Variants in SIM2 observed in about 807,000 individuals in gnomAD.
SIM2 encodes the protein single-minded homolog 2.
Under a neutral mutation model 64.8 loss-of-function variants are expected in SIM2, and 28 were observed. The observed-to-expected ratio is 0.43, with a 90% CI of 0.32 to 0.59. The LOEUF (loss-of-function observed/expected upper bound fraction) is 0.59. SIM2 is among the 20% of genes least tolerant of loss of function. SIM2 has a pLI of 0.07. For synonymous variants in SIM2, 408 were observed against 391.1 expected (o/e 1.04, Z -0.51); for missense variants, 847 against 871.4 (o/e 0.97, Z 0.35).
intron 1 of SIM2, among the ~76,000 whole-genome samples, chr21:36,704,029 C>T (rs186189113): frequency 6.6e-6 from 1 of 152,208 alleles, no homozygotes; most frequent in East Asian, 1.9e-4. Flanking sequence ...TTCCCCAACC[C>T]GAAAGACCCA....
intron 3 of SIM2, among the ~76,000 whole-genome samples, chr21:36,718,841 AG>A (rs2088780529): frequency 6.6e-6 from 1 of 152,212 alleles, no homozygotes; most frequent in Non-Finnish European, 1.5e-5. Context: ...GTCCATCTTA[AG>A]GTGGGTGGGG....
rs117960068 is a variant in SIM2, at chr21:36,726,001, A to C, written c.544-118A>C. On this transcript the variant is annotated intron_variant, in intron 5 of 10. Coordinates refer to ENST00000290399, the MANE Select transcript of SIM2 (RefSeq NM_005069.6). This position sits in a 1 kb window ranked among gnomAD's most constrained non-coding sequence, Gnocchi z 4.5. ...TGCCTGTCAGCACATTGGGCCGCAC[A>C]GTGGAGTAGAGGCTGGGCTGGGAGA... The C allele has an allele frequency of 7.6e-6, 6 of 789,204 alleles. No individual in the cohort carries two copies. Among genetic ancestry groups the C allele is most frequent in the Admixed American group, 6.0e-5 (3 of 49,918 alleles). 48.9% of individuals were successfully genotyped at this position (789,204 alleles called of 1,614,324 possible).
intron 9 of SIM2, among the ~76,000 whole-genome samples, chr21:36,744,229 C>A (rs1381783061): frequency 6.6e-6 from 1 of 150,624 alleles, no homozygotes; most frequent in African/African-American, 2.4e-5. Context: ...AAGACTCCAT[C>A]ACTTGTTCTG....
intron 1 of SIM2, among the ~76,000 whole-genome samples, chr21:36,700,376 C>A (rs538845222): frequency 6.9e-6 from 1 of 144,338 alleles, no homozygotes; most frequent in Non-Finnish European, 1.5e-5. Context: ...CCTTCCTTGG[C>A]CCCCTCTCTC....
intron 3 of SIM2, 88 bp downstream of exon 3, chr21:36,712,710 CTGTT>C: frequency 1.2e-6 from 1 of 868,910 alleles, no homozygotes. Flanking sequence ...GAAAATGAGT[CTGTT>C]TAAGTGTTTG....
rs888785850 is a variant in SIM2, at chr21:36,699,673, C to A, written c.-74C>A. On this transcript the variant is annotated 5_prime_UTR_variant, in exon 1 of 11. Coordinates refer to ENST00000290399, the MANE Select transcript of SIM2 (RefSeq NM_005069.6). The surrounding 1 kb of genome is among the most constrained non-coding windows in gnomAD (Gnocchi z 5.6). ...CTCCCGGCTCCCCCTTCCCCATCCC[C>A]GCCGCCGCAGCCCGAGCGGGGCTCC... 2.0e-6 allele frequency: 3 copies of A among 1,529,926 alleles called. No homozygotes were observed. The highest frequency in any genetic ancestry group is 2.9e-5 in the African/African-American group (2 of 70,046). 94.8% of individuals were successfully genotyped at this position (1,529,926 alleles called of 1,614,324 possible). A position where few individuals can be genotyped will look rare whatever the true frequency, so the allele number is the denominator to read the frequency against.
intron 7 of SIM2, among the ~76,000 whole-genome samples, chr21:36,734,238 T>C (rs571543098): frequency 1.6e-4 from 24 of 152,210 alleles, no homozygotes; most frequent in Admixed American, 5.2e-4. Context: ...CACAAGGTGA[T>C]TTTATTTGAG....
intron 2 of SIM2, among the ~76,000 whole-genome samples, chr21:36,711,510 T>G (rs1223004364): frequency 6.6e-6 from 1 of 152,248 alleles, no homozygotes; most frequent in African/African-American, 2.4e-5. Context: ...CAAGGATATC[T>G]TTCAAGATTC....
In SIM2 at chr21:36,745,140, G is replaced by A; in HGVS notation, c.1576+4G>A. The A allele has an allele frequency of 6.2e-7, 1 of 1,606,400 alleles. No homozygotes were observed. Among genetic ancestry groups the A allele is most frequent in the African/African-American group, 1.3e-5 (1 of 74,914 alleles). On this transcript the variant is annotated splice_donor_region_variant and intron_variant, in intron 10 of 10. Coordinates refer to ENST00000290399, the MANE Select transcript of SIM2 (RefSeq NM_005069.6). The surrounding 1 kb of genome is among the most constrained non-coding windows in gnomAD (Gnocchi z 4.8). ...AGCCTGGTGCCAAGCTACGAAGGTG[G>A]GTCAGGTCTGCTCGTGGGGAAGGTG...
rs180838861 is a variant in SIM2, at chr21:36,715,278, A to T, written c.348+2656A>T. On this transcript the variant is annotated intron_variant, in intron 3 of 10. Transcript: ENST00000290399. ...AGAAGGAAATCTAGGCAGAATCACA[A>T]TGTGTATTTTTTTCTGTCTTCTTTA... Among the ~76,000 whole-genome samples the T allele has an allele frequency of 3.0e-3, 453 of 152,280 alleles. 3 individuals carry two copies. The highest frequency in any genetic ancestry group is 5.0e-3 in the Admixed American group (76 of 15,308).
chr21:36,739,592 T>G (rs1315039801), intron 7 of SIM2, among the ~76,000 whole-genome samples: 2 of 152,206 alleles, frequency 1.3e-5, no homozygotes, highest in Non-Finnish European at 2.9e-5. Context: ...CCTTTGTAGG[T>G]AAGTCTGTGT....
intron 1 of SIM2, among the ~76,000 whole-genome samples, chr21:36,708,229 G>A (rs1247847356): frequency 6.6e-6 from 1 of 152,184 alleles, no homozygotes; most frequent in Non-Finnish European, 1.5e-5. Flanking sequence ...CCCAGCCCGC[G>A]CTAAGCGCCG....
Position 36,712,681 on chromosome 21 carries a change from T to C in SIM2, c.348+59T>C, listed in dbSNP as rs188532539. 3.5e-4 allele frequency: 406 copies of C among 1,165,362 alleles called. 4 individuals are homozygous for C. In the East Asian group the frequency reaches 7.9e-3, roughly 23 times the overall value. The allele number at this position is 1,165,362 out of a possible 1,614,324, so 72.2% of individuals were successfully genotyped here. A position where few individuals can be genotyped will look rare whatever the true frequency, so the allele number is the denominator to read the frequency against. Reference sequence around the variant, plus strand: ...TATTAAACGAAGTGACAGCAGATTTTGACAGCCTCACCCAACTTGAAAATG... The same window carrying C: ...TATTAAACGAAGTGACAGCAGATTTCGACAGCCTCACCCAACTTGAAAATG... On this transcript the variant is annotated intron_variant, in intron 3 of 10. Transcript: ENST00000290399.
intron 7 of SIM2, among the ~76,000 whole-genome samples, chr21:36,736,915 TTCTC>T (rs1303618219): frequency 2.0e-5 from 3 of 151,924 alleles, no homozygotes; most frequent in Non-Finnish European, 2.9e-5. Flanking sequence ...CTTTCGTTCT[TTCTC>T]TCTCTTTCTT....
intron 8 of SIM2, among the ~76,000 whole-genome samples, chr21:36,742,347 G>A (rs1272791285): frequency 2.0e-5 from 3 of 151,290 alleles, no homozygotes; most frequent in Non-Finnish European, 4.4e-5. Context: ...ATTAATCATG[G>A]TGAATATTTG....
intron 1 of SIM2, 104 bp from the exon 2 acceptor site, chr21:36,709,064 G>T (rs2088632687): frequency 3.1e-6 from 3 of 980,280 alleles, no homozygotes; most frequent in Admixed American, 5.7e-5. Context: ...CGCGGGACTC[G>T]TGGGGAGGGC....
intron 1 of SIM2, among the ~76,000 whole-genome samples, chr21:36,705,066 T>C (rs1278609143): frequency 6.6e-6 from 1 of 152,048 alleles, no homozygotes; most frequent in Non-Finnish European, 1.5e-5. Flanking sequence ...GGCCCCAAAC[T>C]CCCTCCTTAC....
intron 1 of SIM2, among the ~76,000 whole-genome samples, chr21:36,700,652 C>A (rs2088478610): frequency 6.6e-6 from 1 of 152,196 alleles, no homozygotes; most frequent in East Asian, 1.9e-4. Flanking sequence ...ACGGTGAGGC[C>A]CAAGCACTGC....
At chr21:36,736,478 T>C (rs921151227) in intron 7 of SIM2, among the ~76,000 whole-genome samples, 3 of 152,194 alleles carry the variant, frequency 2.0e-5, no homozygotes, top group African/African-American at 7.2e-5. Flanking sequence ...CCACAGGGGC[T>C]GAAGAAATCG....
Sources: allele counts gnomAD v4.1 joint callset (sites outside exome capture counted in the v4.1 genomes callset), GRCh38; gene constraint gnomAD v4.1.1; non-coding constraint Gnocchi (gnomAD v3.1); transcripts MANE v1.5; gene names NCBI Gene and HGNC (gene_info 2026-07-23, HGNC 2026-07-21).